The following GNB1 variants were observed in gnomAD, a reference collection of about 807,000 sequenced individuals.
The protein encoded by GNB1 is guanine nucleotide-binding protein G(I)/G(S)/G(T) subunit beta-1.
In GNB1, 2 loss-of-function variants were observed where a neutral mutation model predicts 42.9. That is an observed-to-expected ratio of 0.05 (90% CI 0.02 to 0.15). The LOEUF (loss-of-function observed/expected upper bound fraction) is 0.15. Ranked by LOEUF, GNB1 falls within the 10% of genes least tolerant of loss-of-function variation. The probability of loss-of-function intolerance (pLI) is 1.00; values close to 1 mark genes in which losing one functional copy is unlikely to be tolerated. For missense variants in GNB1, 193 were observed against 462.2 expected (o/e 0.42, Z 5.34); for synonymous variants, 183 against 174.7 (o/e 1.05, Z -0.38).
chr1:1,803,074 C>CT (rs1373540152), intron 7 of GNB1, among the ~76,000 whole-genome samples: 1 of 152,210 alleles, frequency 6.6e-6, no homozygotes, highest in Non-Finnish European at 1.5e-5. Flanking sequence ...GTACTAGTGA[C>CT]TCCATGAACT....
chr1:1,789,376 C>T (rs1478740183), intron 9 of GNB1, 107 bp from the exon 10 acceptor site: 8 of 689,848 alleles, frequency 1.2e-5, no homozygotes, highest in Non-Finnish European at 2.1e-5. Flanking sequence ...AGGCAAAGAC[C>T]AGCAAGACTG....
intron 1 of GNB1, among the ~76,000 whole-genome samples, chr1:1,864,314 CAA>C (rs1173466617): frequency 1.3e-4 from 5 of 37,908 alleles, no homozygotes; most frequent in East Asian, 1.2e-3. Flanking sequence ...AAGACTCTCT[CAA>C]AAAAAAAAAA....
intron 1 of GNB1, among the ~76,000 whole-genome samples, chr1:1,847,564 T>A (rs1208221551): frequency 6.6e-6 from 1 of 152,192 alleles, no homozygotes; most frequent in Non-Finnish European, 1.5e-5. Flanking sequence ...GAATTGTCAA[T>A]GCTATGGAAG....
At chr1:1,881,335 G>C (rs961871834) in intron 1 of GNB1, among the ~76,000 whole-genome samples, 1 of 151,902 alleles carries the variant, frequency 6.6e-6, no homozygotes, top group African/African-American at 2.4e-5. Context: ...AGCACTCTAC[G>C]CTCAACTACC....
chr1:1,843,178 ATAC>A (rs1391862007), intron 1 of GNB1, among the ~76,000 whole-genome samples: 2 of 152,196 alleles, frequency 1.3e-5, no homozygotes, highest in Admixed American at 6.6e-5. Flanking sequence ...AGGAAGAGAA[ATAC>A]TACTAAAAAA....
chr1:1,861,112 A>C (rs1648601809), intron 1 of GNB1, among the ~76,000 whole-genome samples: 1 of 110,670 alleles, frequency 9.0e-6, no homozygotes, highest in Non-Finnish European at 2.2e-5. Flanking sequence ...CTGTCTCACA[A>C]AAAAAAAAAA....
rs755746405 is a variant in GNB1, at chr1:1,786,109, T to C, written c.*954A>G. ...GTCTGAGATCATTATTTTCAAAACA[T>C]TGATTTGTACATTGTTTCATACACA... is the stretch of plus-strand genomic sequence containing the variant. On this transcript the variant is annotated 3_prime_UTR_variant, in exon 12 of 12. Coordinates refer to ENST00000378609, the MANE Select transcript of GNB1 (RefSeq NM_002074.5). The C allele has an allele frequency of 4.0e-5, 16 of 398,502 alleles. No individual in the cohort carries two copies. The highest frequency in any genetic ancestry group is 2.1e-4 in the African/African-American group (10 of 48,604). The allele number at this position is 398,502 out of a possible 1,614,324, so 24.7% of individuals were successfully genotyped here.
At chr1:1,878,160 G>A (rs1405690176) in intron 1 of GNB1, among the ~76,000 whole-genome samples, 3 of 152,194 alleles carry the variant, frequency 2.0e-5, no homozygotes, top group South Asian at 4.1e-4. Flanking sequence ...GGACCACGCA[G>A]TAATAGCATA....
At chr1:1,881,010 A>G (rs1265359897) in intron 1 of GNB1, among the ~76,000 whole-genome samples, 1 of 152,108 alleles carries the variant, frequency 6.6e-6, no homozygotes, top group African/African-American at 2.4e-5. Context: ...CTGAACGGAG[A>G]GAGGGAGTGA....
intron 1 of GNB1, among the ~76,000 whole-genome samples, chr1:1,854,913 C>T (rs1397698435): frequency 6.6e-6 from 1 of 152,106 alleles, no homozygotes; most frequent in Non-Finnish European, 1.5e-5. Context: ...GTAATCCCAG[C>T]ACTTTGGGAG....
At chr1:1,789,378 G>A in intron 9 of GNB1, 109 bp from the exon 10 acceptor site, 2 of 680,142 alleles carry the variant, frequency 2.9e-6, no homozygotes, top group Non-Finnish European at 5.3e-6. Flanking sequence ...GCAAAGACCA[G>A]CAAGACTGTG....
chr1:1,831,756 G>C (rs1294589289), intron 2 of GNB1, among the ~76,000 whole-genome samples: 1 of 151,188 alleles, frequency 6.6e-6, no homozygotes, highest in Admixed American at 6.6e-5. Flanking sequence ...AATTGTAGCT[G>C]CTTTATTATA....
At chr1:1,824,646 C>T (rs1646973443) in intron 3 of GNB1, among the ~76,000 whole-genome samples, 1 of 152,018 alleles carries the variant, frequency 6.6e-6, no homozygotes, top group East Asian at 1.9e-4. Context: ...AATCTCGGCT[C>T]ACTGGATCCT....
chr1:1,825,205 G>C, intron 3 of GNB1, 192 bp downstream of exon 3: 1 of 579,988 alleles, frequency 1.7e-6, no homozygotes. Context: ...ATTGTATACA[G>C]AAAGCAAAAT....
chr1:1,817,684 T>C (rs1646875556), intron 4 of GNB1, 153 bp downstream of exon 4: 1 of 565,280 alleles, frequency 1.8e-6, no homozygotes, highest in Non-Finnish European at 3.2e-6. Flanking sequence ...TTCCTATGCC[T>C]ACCATCAGAA....
intron 2 of GNB1, among the ~76,000 whole-genome samples, chr1:1,836,388 T>A (rs1211343595): frequency 1.2e-4 from 1 of 8,036 alleles, no homozygotes; most frequent in African/African-American, 1.6e-4. Context: ...TTAATATTGC[T>A]TTTTTTTTTT....
rs59065707 is a variant in GNB1, at chr1:1,816,644, C to CTT, written c.97-784_97-783dup. On this transcript the variant is annotated intron_variant, in intron 4 of 11. Coordinates refer to ENST00000378609, the MANE Select transcript of GNB1 (RefSeq NM_002074.5). ...ATTATTTGGACTTTATTTTTATTAT[C>CTT]TTTTTTTTTTTTTTTTTTTTTTAAG... is the stretch of plus-strand genomic sequence containing the variant. 5.9e-3 allele frequency among the ~76,000 whole-genome samples: 644 copies of CTT among 108,612 alleles called. 10 individuals carry two copies. Among genetic ancestry groups the CTT allele is most frequent in the African/African-American group, 0.02 (612 of 31,012 alleles). The allele number at this position is 108,612 out of a possible 152,430, so 71.3% of individuals were successfully genotyped here.
chr1:1,831,646 G>A (rs1342261291), intron 2 of GNB1, among the ~76,000 whole-genome samples: 1 of 151,798 alleles, frequency 6.6e-6, no homozygotes, highest in South Asian at 2.1e-4. Context: ...ACAGGGTTTC[G>A]CCATGTTGGC....
chr1:1,813,323 C>G (rs1309874084), intron 5 of GNB1, among the ~76,000 whole-genome samples: 3 of 152,028 alleles, frequency 2.0e-5, no homozygotes, highest in Non-Finnish European at 4.4e-5. Flanking sequence ...GGCCAGGAGG[C>G]TGGTTTCGAA....
Sources: allele counts gnomAD v4.1 joint callset (sites outside exome capture counted in the v4.1 genomes callset), GRCh38; gene constraint gnomAD v4.1.1; transcripts MANE v1.5; gene names NCBI Gene and HGNC (gene_info 2026-07-23, HGNC 2026-07-21).